CALN1: variants seen among roughly 807,000 people sequenced by gnomAD.
CALN1 encodes calneuron 1, also known as calcium-binding protein 8.
A neutral mutation model predicts 30.6 loss-of-function variants in CALN1; 17 were observed. That is an observed-to-expected ratio of 0.56 (90% CI 0.38 to 0.83). The LOEUF (loss-of-function observed/expected upper bound fraction) is 0.83. CALN1 is among the 40% of genes least tolerant of loss of function. The pLI, the probability that CALN1 is intolerant of heterozygous loss-of-function variation, is 0.00. For missense variants in CALN1, 291 were observed against 354.9 expected, an observed-to-expected ratio of 0.82 and a Z score of 1.45; for synonymous variants, 156 against 131.4, an observed-to-expected ratio of 1.19 and a Z score of -1.28.
In CALN1 at chr7:71,788,325, C is replaced by G. The variant is rs1012047569; in HGVS notation, c.659-423G>C. 2.0e-5 allele frequency among the ~76,000 whole-genome samples: 3 copies of G among 152,184 alleles called. No homozygotes were observed. In the East Asian group the frequency reaches 5.8e-4, roughly 29 times the overall value. On this transcript the variant is annotated intron_variant, in intron 6 of 6. Coordinates refer to ENST00000395275, the MANE Select transcript of CALN1 (RefSeq NM_031468.4). ...GAGTGGAAGTTCAGATGCTTCCCTA[C>G]ACCTCTGTGATCAGCTGGGTGCAAC...
chr7:72,295,793 A>G lies in CALN1; in HGVS notation c.120-16983T>C, dbSNP rs1452096424. Among the ~76,000 whole-genome samples, 14 of 151,760 alleles carry G rather than the reference A, an allele frequency of 9.2e-5. No individual in the cohort carries two copies. The East Asian group carries it at 2.5e-3, about 27-fold the overall frequency. On this transcript the variant is annotated intron_variant, in intron 2 of 6. Coordinates refer to ENST00000395275, the MANE Select transcript of CALN1 (RefSeq NM_031468.4). ...GACAATGGGGTTTTCTAGATATACAATCATGTCGTCTGCAAAGAGGGACAA... is the reference window on the plus strand; with the variant it reads ...GACAATGGGGTTTTCTAGATATACAGTCATGTCGTCTGCAAAGAGGGACAA...
chr7:71,829,422 C>T (rs1188486141), intron 5 of CALN1, among the ~76,000 whole-genome samples: 1 of 152,164 alleles, frequency 6.6e-6, no homozygotes, highest in Non-Finnish European at 1.5e-5. Flanking sequence ...CTTCTGACCT[C>T]CAGAAATGTA....
intron 3 of CALN1, among the ~76,000 whole-genome samples, chr7:72,235,218 G>A (rs902773920): frequency 1.3e-5 from 2 of 152,002 alleles, no homozygotes; most frequent in African/African-American, 4.8e-5. Flanking sequence ...AGGCCACAGT[G>A]AGCTATGATC....
intron 5 of CALN1, among the ~76,000 whole-genome samples, chr7:71,910,416 C>T (rs1229268484): frequency 2.0e-5 from 3 of 152,128 alleles, no homozygotes; most frequent in South Asian, 2.1e-4. Flanking sequence ...TGCCAGAAGG[C>T]GAGGAGATCA....
rs146275179 is a variant in CALN1 at position 71,847,569 on chromosome 7, C to G, written c.502-37077G>C. ...TGGTGGTGCATGCCTGTAATCCCAGCTACTCAGGAGGCTGAGGCAGAAGAA... is the reference window on the plus strand; with the variant it reads ...TGGTGGTGCATGCCTGTAATCCCAGGTACTCAGGAGGCTGAGGCAGAAGAA... On this transcript the variant is annotated intron_variant, in intron 5 of 6. Transcript: ENST00000395275. Among the ~76,000 whole-genome samples the G allele has an allele frequency of 3.0e-3, 461 of 151,630 alleles. 1 individual carries two copies. Among genetic ancestry groups the G allele is most frequent in the African/African-American group, 0.01 (432 of 41,326 alleles).
At chr7:72,501,801 T>A in the CALN1 span, among the ~76,000 whole-genome samples, 1 of 147,268 alleles carries the variant, frequency 6.8e-6, no homozygotes, top group Non-Finnish European at 1.5e-5. Flanking sequence ...CCCAGCTACT[T>A]GGGAGGCTGC....
At chr7:71,980,851 C>A (rs1219553493) in intron 5 of CALN1, among the ~76,000 whole-genome samples, 1 of 152,068 alleles carries the variant, frequency 6.6e-6, no homozygotes, top group Non-Finnish European at 1.5e-5. Context: ...CTAAAATTGC[C>A]CCCTACAAAA....
chr7:71,883,951 G>C (rs1792739366), intron 5 of CALN1, among the ~76,000 whole-genome samples: 1 of 152,172 alleles, frequency 6.6e-6, no homozygotes, highest in Admixed American at 6.5e-5. Flanking sequence ...GAGTCTCTCT[G>C]TTGCCAGGTT....
chr7:71,807,814 G>A (rs770900848), intron 6 of CALN1, among the ~76,000 whole-genome samples: 39 of 152,142 alleles, frequency 2.6e-4, no homozygotes, highest in East Asian at 7.7e-4. Context: ...GATGGCTCAC[G>A]CCTGTAATCC....
intron 5 of CALN1, among the ~76,000 whole-genome samples, chr7:71,905,716 C>A (rs1461878312): frequency 6.6e-6 from 1 of 152,020 alleles, no homozygotes; most frequent in Admixed American, 6.6e-5. Context: ...CCAGAGGTAC[C>A]TGGAATATGT....
At position 72,054,494 on chromosome 7, in the gene CALN1, T is replaced by C. The variant is rs1278990691; in HGVS notation, c.389-30725A>G. On this transcript the variant is annotated intron_variant, in intron 4 of 6. Transcript: ENST00000395275. ...ATATATACATACATATATATATACA[T>C]ATATACATATATATACATATATATA... is the stretch of plus-strand genomic sequence containing the variant. Among the ~76,000 whole-genome samples the C allele has an allele frequency of 1.8e-5, 2 of 108,372 alleles. 1 individual carries two copies. Among genetic ancestry groups the C allele is most frequent in the Non-Finnish European group, 3.2e-5 (2 of 61,824 alleles). 71.1% of individuals were successfully genotyped at this position (108,372 alleles called of 152,430 possible).
At chr7:72,246,038 T>C (rs1413615157) in intron 3 of CALN1, among the ~76,000 whole-genome samples, 1 of 152,222 alleles carries the variant, frequency 6.6e-6, no homozygotes, top group Admixed American at 6.5e-5. Context: ...TTTCTCCCTA[T>C]GGGATTCCCT....
chr7:72,203,599 C>A (rs1791596992), intron 3 of CALN1, among the ~76,000 whole-genome samples: 1 of 152,110 alleles, frequency 6.6e-6, no homozygotes, highest in Non-Finnish European at 1.5e-5. Flanking sequence ...TACTACAGTC[C>A]ACACCAAGTT....
intron 6 of CALN1, among the ~76,000 whole-genome samples, chr7:71,798,526 G>A (rs1037745101): frequency 4.6e-5 from 7 of 150,694 alleles, no homozygotes; most frequent in African/African-American, 9.8e-5. Context: ...GGCTGGTCTC[G>A]AACTCCTGGG....
chr7:72,348,956 G>A (rs925977004), intron 2 of CALN1, among the ~76,000 whole-genome samples: 4 of 151,540 alleles, frequency 2.6e-5, no homozygotes, highest in South Asian at 2.1e-4. Flanking sequence ...AGGGGCTTTC[G>A]AGCAGCTATT....
intron 3 of CALN1, among the ~76,000 whole-genome samples, chr7:72,139,702 C>G (rs917316290): frequency 5.9e-5 from 9 of 152,164 alleles, no homozygotes; most frequent in African/African-American, 2.2e-4. Context: ...CATGTCCATC[C>G]TCTTCTAAGC....
intron 2 of CALN1, among the ~76,000 whole-genome samples, chr7:72,344,564 A>G (rs934374831): frequency 6.8e-6 from 1 of 147,174 alleles, no homozygotes. Flanking sequence ...ATATATATAT[A>G]TATTTATTTA....
At chr7:72,430,754 G>A (rs1207311869) in intron 1 of CALN1, among the ~76,000 whole-genome samples, 2 of 152,056 alleles carry the variant, frequency 1.3e-5, no homozygotes, top group Non-Finnish European at 2.9e-5. Context: ...ATCCTGTTCC[G>A]GAAGGTGTCC....
In CALN1 at chr7:72,228,450, G is replaced by A. The variant is rs564639016; in HGVS notation, c.244+50236C>T. Among the ~76,000 whole-genome samples, 9 of 151,886 alleles carry A rather than the reference G, an allele frequency of 5.9e-5. No homozygotes were observed. In the South Asian group the frequency reaches 6.2e-4, roughly 11 times the overall value. On this transcript the variant is annotated intron_variant, in intron 3 of 6. Coordinates refer to ENST00000395275, the MANE Select transcript of CALN1 (RefSeq NM_031468.4). Reference sequence around the variant, plus strand: ...ATCACAGTGATGTGTGCACAGCTCCGTAAGATTATGAAAAATCATTGAACT... The same window carrying A: ...ATCACAGTGATGTGTGCACAGCTCCATAAGATTATGAAAAATCATTGAACT...
Sources: gnomAD v4.1 joint callset for allele counts (sites outside exome capture counted in the v4.1 genomes callset) on GRCh38, gnomAD v4.1.1 for gene constraint, MANE v1.5 for transcripts, NCBI Gene and HGNC (gene_info 2026-07-23, HGNC 2026-07-21) for gene names.